Variants in SLC39A11 observed in about 807,000 individuals in gnomAD.
SLC39A11 encodes the protein solute carrier family 39 member 11.
SLC39A11 carries 33 observed loss-of-function variants against 36.1 expected under a neutral mutation model. The ratio of observed to expected loss-of-function variants is 0.91; its 90% CI spans 0.69 to 1.22. The LOEUF is 1.22. SLC39A11 is among the 50% of genes most tolerant of loss of function. The pLI is 0.00. For synonymous variants in SLC39A11, 166 were observed against 170.3 expected (o/e 0.97, Z 0.20); for missense variants, 432 against 430.3 (o/e 1.00, Z -0.03).
intron 7 of SLC39A11, among the ~76,000 whole-genome samples, chr17:72,683,542 G>C (rs879605678): frequency 4.6e-5 from 7 of 151,682 alleles, no homozygotes; most frequent in Non-Finnish European, 8.8e-5. Context: ...TCACTATATT[G>C]CCCAGGCTGG....
intron 3 of SLC39A11, among the ~76,000 whole-genome samples, chr17:73,065,334 G>A (rs903906471): frequency 6.6e-6 from 1 of 152,186 alleles, no homozygotes; most frequent in Admixed American, 6.6e-5. Context: ...GAACCTGGGA[G>A]GCAGAGGTTG....
chr17:72,751,674 T>G (rs1412437446), intron 6 of SLC39A11, among the ~76,000 whole-genome samples: 1 of 152,122 alleles, frequency 6.6e-6, no homozygotes, highest in Non-Finnish European at 1.5e-5. Flanking sequence ...GCCTCCTGGA[T>G]TCAAGTGATT....
chr17:73,034,588 A>G (rs1283802500), intron 3 of SLC39A11, among the ~76,000 whole-genome samples: 3 of 152,140 alleles, frequency 2.0e-5, no homozygotes, highest in African/African-American at 7.2e-5. Flanking sequence ...TCCCACCTTC[A>G]ACAACTCTAA....
intron 6 of SLC39A11, among the ~76,000 whole-genome samples, chr17:72,749,304 C>T (rs2075060815): frequency 6.6e-6 from 1 of 152,178 alleles, no homozygotes; most frequent in African/African-American, 2.4e-5. Context: ...AGCAAAGTTC[C>T]TTGACTCTGA....
At chr17:72,813,077 T>G (rs1411277802) in intron 6 of SLC39A11, among the ~76,000 whole-genome samples, 1 of 152,210 alleles carries the variant, frequency 6.6e-6, no homozygotes, top group African/African-American at 2.4e-5. Flanking sequence ...ACGTCAGCTC[T>G]TTGAAGAGAC....
intron 6 of SLC39A11, chr17:72,838,062 T>C (rs367910584): frequency 7.3e-6 from 8 of 1,093,930 alleles, no homozygotes; most frequent in Middle Eastern, 3.4e-4. Context: ...AGCAGGAGGT[T>C]CTCTTGAGGC....
At chr17:72,679,778 T>A (rs1351384981) in intron 7 of SLC39A11, among the ~76,000 whole-genome samples, 1 of 152,058 alleles carries the variant, frequency 6.6e-6, no homozygotes, top group Non-Finnish European at 1.5e-5. Context: ...GCACGGTGGC[T>A]CACGCCTGTA....
chr17:72,868,261 G>A (rs1404907505), intron 5 of SLC39A11, among the ~76,000 whole-genome samples: 2 of 152,134 alleles, frequency 1.3e-5, no homozygotes, highest in Non-Finnish European at 2.9e-5. Flanking sequence ...GAAAAATGAG[G>A]AGAGAAAGAA....
At chr17:72,967,919 C>T (rs2148009194) in intron 4 of SLC39A11, among the ~76,000 whole-genome samples, 1 of 152,254 alleles carries the variant, frequency 6.6e-6, no homozygotes, top group East Asian at 1.9e-4. Context: ...CAGTTCTTTT[C>T]CACCCTCGGT....
Position 73,027,760 on chromosome 17 carries a change from G to A in SLC39A11, c.306+3796C>T, listed in dbSNP as rs528398103. On this transcript the variant is annotated intron_variant, in intron 4 of 9. Coordinates refer to ENST00000255559, the MANE Select transcript of SLC39A11 (RefSeq NM_139177.4). The stretch of plus-strand genomic sequence containing the variant: ...CCGAACACATATAACCAGGGTGGGT[G>A]GCTCTGACGCTCCCAGGCATTGGGG... Among the ~76,000 whole-genome samples, 6 of 152,320 alleles carry A rather than the reference G, an allele frequency of 3.9e-5. No individual in the cohort carries two copies. In the East Asian group the frequency reaches 1.2e-3, roughly 29 times the overall value.
intron 6 of SLC39A11, among the ~76,000 whole-genome samples, chr17:72,737,429 C>G (rs2074477541): frequency 6.6e-6 from 1 of 152,048 alleles, no homozygotes; most frequent in South Asian, 2.1e-4. Context: ...GGGACAGAAA[C>G]TGTATGGCCT....
At chr17:72,681,973 C>T (rs983499552) in intron 7 of SLC39A11, among the ~76,000 whole-genome samples, 18 of 152,134 alleles carry the variant, frequency 1.2e-4, no homozygotes, top group Admixed American at 3.9e-4. Context: ...GGCAGGCAAG[C>T]GAACGAAGCT....
chr17:72,659,572 CTCTTTTTT>C (rs2070313153), intron 7 of SLC39A11, among the ~76,000 whole-genome samples: 1 of 100,172 alleles, frequency 1.0e-5, no homozygotes, highest in African/African-American at 3.7e-5. Flanking sequence ...TCCTCTGTGA[CTCTTTTTT>C]TTTTTTTTTT....
intron 4 of SLC39A11, among the ~76,000 whole-genome samples, chr17:72,952,476 C>T (rs1439421123): frequency 3.3e-5 from 5 of 150,796 alleles, no homozygotes; most frequent in African/African-American, 1.2e-4. Context: ...TATCCCCCAC[C>T]CCCCTGCTGC....
At chr17:72,795,613 T>A (rs988503158) in intron 6 of SLC39A11, among the ~76,000 whole-genome samples, 1 of 152,124 alleles carries the variant, frequency 6.6e-6, no homozygotes, top group African/African-American at 2.4e-5. Flanking sequence ...AATTAGGCTC[T>A]ATTGCTCTAT....
At chr17:73,013,441 T>G (rs1178164939) in intron 4 of SLC39A11, among the ~76,000 whole-genome samples, 1 of 152,212 alleles carries the variant, frequency 6.6e-6, no homozygotes, top group Non-Finnish European at 1.5e-5. Context: ...GGTTTTCTAT[T>G]TCTGTGTTCA....
chr17:72,933,172 A>G (rs2452907), intron 5 of SLC39A11, among the ~76,000 whole-genome samples: 24,279 of 152,192 alleles, frequency 0.16, 4,230 homozygotes, highest in African/African-American at 0.44. Context: ...ACATGACAGA[A>G]AATTCCAAGG....
At chr17:72,683,870 C>T (rs990696304) in intron 7 of SLC39A11, among the ~76,000 whole-genome samples, 6 of 151,760 alleles carry the variant, frequency 4.0e-5, no homozygotes, top group African/African-American at 1.5e-4. Context: ...CCCCTGGGTT[C>T]CTTTGGCAGT....
intron 5 of SLC39A11, among the ~76,000 whole-genome samples, chr17:72,892,790 G>A (rs1192112159): frequency 6.6e-6 from 1 of 152,172 alleles, no homozygotes; most frequent in Non-Finnish European, 1.5e-5. Context: ...AGAGTGCAGT[G>A]AGAAACTGTT....
Sources: gnomAD v4.1 joint callset for allele counts (sites outside exome capture counted in the v4.1 genomes callset) on GRCh38, gnomAD v4.1.1 for gene constraint, MANE v1.5 for transcripts, NCBI Gene and HGNC (gene_info 2026-07-23, HGNC 2026-07-21) for gene names.